SLC34A1: variants seen among roughly 807,000 people sequenced by gnomAD.
The protein encoded by SLC34A1 is sodium-dependent phosphate transport protein 2A.
SLC34A1 carries 57 observed loss-of-function variants against 51.4 expected under a neutral mutation model. The ratio of observed to expected loss-of-function variants is 1.11; its 90% confidence interval spans 0.90 to 1.38. SLC34A1 has a LOEUF of 1.38. Ranked by LOEUF, SLC34A1 falls within the 40% of genes most tolerant of loss-of-function variation. The probability of loss-of-function intolerance (pLI) is 0.00; values close to 1 mark genes in which losing one functional copy is unlikely to be tolerated. For missense variants in SLC34A1, 796 were observed against 835.6 expected (o/e 0.95, Z 0.58); for synonymous variants, 368 against 358.0 (o/e 1.03, Z -0.32).
Position 177,394,193 on chromosome 5 carries a change from C to G in SLC34A1, c.1172C>G (p.Thr391Arg). 1 of 1,613,922 alleles carries G rather than the reference C, an allele frequency of 6.2e-7. No homozygotes were observed. Among genetic ancestry groups the G allele is most frequent in the Non-Finnish European group, 8.5e-7 (1 of 1,180,018 alleles). ...AAGGTCATCCAGAAGGTCATCAATA[C>G]GGGTGAGCTGCGAGCAGTTGACTGG... ...VAKVIQKVIN[T>R]DFPAPFTWVT... is the part of the protein sequence containing the mutation. Residue 391 changes from threonine to arginine, a missense_variant and splice_region_variant, in exon 10 of 13, where the codon ACG becomes AGG. Physicochemically the swap from Thr to Arg is moderately conservative, Grantham distance 71 (BLOSUM62 -1). Transcript: ENST00000324417.
At chr5:177,387,161 T>C (rs546513437) in intron 5 of SLC34A1, among the ~76,000 whole-genome samples, 11 of 150,332 alleles carry the variant, frequency 7.3e-5, no homozygotes, top group Non-Finnish European at 1.6e-4. Context: ...ACGAGGTCAG[T>C]AGATCGAGAC....
In SLC34A1 at chr5:177,388,363, C is replaced by T. The variant is rs1762680417; in HGVS notation, c.927C>T (p.Asp309=). The T allele has an allele frequency of 6.2e-7, 1 of 1,613,808 alleles. No homozygotes were observed. The highest frequency in any genetic ancestry group is 8.5e-7 in the Non-Finnish European group (1 of 1,179,690). Residue 309 remains aspartate, a synonymous_variant, in exon 8 of 13, where the codon GAC becomes GAT. Coordinates refer to ENST00000324417, the MANE Select transcript of SLC34A1 (RefSeq NM_003052.5). The surrounding 1 kb of genome is among the most constrained non-coding windows in gnomAD (Gnocchi z 4.3). The part of the protein sequence containing the change: ...HSLIQIWCHP[D]SLQAPTSMSR... Reference sequence around the variant, plus strand: ...TCATCCAGATCTGGTGCCACCCAGACTCCTTACAGGTGAGTCCCAGGCCTA... The same window carrying T: ...TCATCCAGATCTGGTGCCACCCAGATTCCTTACAGGTGAGTCCCAGGCCTA...
chr5:177,398,072 T>C lies in SLC34A1; in HGVS notation c.1706T>C (p.Leu569Pro). The change falls in exon 13 of 13, where the codon CTG becomes CCG. Residue 569 changes from leucine to proline, a missense_variant. Transcript: ENST00000324417. The surrounding 1 kb of genome is among the most constrained non-coding windows in gnomAD (Gnocchi z 4.7). Reference protein sequence around the residue: ...NVLQSRSPGHLPKWLQTWDFL... With the variant: ...NVLQSRSPGHPPKWLQTWDFL... ...CTGCAGAGTCGGAGTCCCGGGCACC[T>C]GCCCAAGTGGTTACAGACATGGGAC... 6.2e-7 allele frequency: 1 copy of C among 1,613,796 alleles called. No individual in the cohort carries two copies. Among genetic ancestry groups the C allele is most frequent in the East Asian group, 2.2e-5 (1 of 44,880 alleles).
rs1306299895 is a variant in SLC34A1 at position 177,385,979 on chromosome 5, C to T, written c.110-8C>T. Reference sequence around the variant, plus strand: ...GCCCTGGGGCTCCTGACCAGGCTCCCTCCCTAGTCCTACACAGGATCCCGG... The same window carrying T: ...GCCCTGGGGCTCCTGACCAGGCTCCTTCCCTAGTCCTACACAGGATCCCGG... On this transcript the variant is annotated splice_polypyrimidine_tract_variant and splice_region_variant and intron_variant, in intron 2 of 12. Transcript: ENST00000324417. The T allele has an allele frequency of 4.3e-6, 7 of 1,610,802 alleles. No individual in the cohort carries two copies. The South Asian group carries it at 6.6e-5, about 15-fold the overall frequency.
In SLC34A1 at chr5:177,398,246, G is replaced by C. The variant is rs373459733; in HGVS notation, c.1880G>C (p.Arg627Pro). The C allele has an allele frequency of 6.3e-7, 1 of 1,599,568 alleles. No homozygotes were observed. The highest frequency in any genetic ancestry group is 8.5e-7 in the Non-Finnish European group (1 of 1,179,874). ...CTACCCCCTGCCACACCCTCCCCCC[G>C]TCTTGCACTGCCTGCTCACCACAAT... ...EELPPATPSPRLALPAHHNAT... is the reference protein window; with the variant it reads ...EELPPATPSPPLALPAHHNAT... The change falls in exon 13 of 13, where the codon CGT (arginine) becomes CCT (proline). Residue 627 changes from arginine to proline, a missense_variant. Coordinates refer to ENST00000324417, the MANE Select transcript of SLC34A1 (RefSeq NM_003052.5). The surrounding 1 kb of genome is among the most constrained non-coding windows in gnomAD (Gnocchi z 4.7).
intron 10 of SLC34A1, among the ~76,000 whole-genome samples, chr5:177,395,370 C>T (rs577980751): frequency 4.6e-5 from 7 of 152,134 alleles, no homozygotes; most frequent in African/African-American, 1.4e-4. Context: ...AGCCACGATG[C>T]GGATGAAGAG....
intron 12 of SLC34A1, chr5:177,397,308 T>C (rs1387987620): frequency 5.3e-6 from 3 of 569,486 alleles, no homozygotes; most frequent in Non-Finnish European, 9.3e-6. Flanking sequence ...GAGTCGGATT[T>C]GCACCATAAG....
At chr5:177,385,627 G>A (rs888097637) in intron 1 of SLC34A1, 68 bp from the exon 2 acceptor site, 17 of 760,792 alleles carry the variant, frequency 2.2e-5, no homozygotes, top group East Asian at 7.9e-5. Context: ...GGAATCATGC[G>A]CCATGGGGGT....
Position 177,398,118 on chromosome 5 carries a change from C to G in SLC34A1, c.1752C>G (p.His584Gln). ...QTWDFLPRWM[H>Q]SLKPLDHLIT... ...GGGACTTCCTGCCTCGCTGGATGCA[C>G]TCCCTGAAGCCCCTGGACCACCTCA... The change falls in exon 13 of 13, where the codon CAC (histidine) becomes CAG (glutamine). Residue 584 changes from histidine to glutamine, a missense_variant. Transcript: ENST00000324417. This position sits in a 1 kb window ranked among gnomAD's most constrained non-coding sequence, Gnocchi z 4.7. 6.2e-7 allele frequency: 1 copy of G among 1,611,480 alleles called. No homozygotes were observed.
Position 177,398,663 on chromosome 5 carries a change from T to C in SLC34A1, c.*377T>C. Reference sequence around the variant, plus strand: ...AAGGGTGGGTCTGGGTATATGACTGTGCAGCTGTTTGTGCATAGATGTTGG... The same window carrying C: ...AAGGGTGGGTCTGGGTATATGACTGCGCAGCTGTTTGTGCATAGATGTTGG... On this transcript the variant is annotated 3_prime_UTR_variant, in exon 13 of 13. Transcript: ENST00000324417. This position sits in a 1 kb window ranked among gnomAD's most constrained non-coding sequence, Gnocchi z 4.7. 6.2e-6 allele frequency: 2 copies of C among 322,346 alleles called. No homozygotes were observed. Among genetic ancestry groups the C allele is most frequent in the Non-Finnish European group, 1.2e-5 (2 of 167,458 alleles). The allele number at this position is 322,346 out of a possible 1,614,324, so 20.0% of individuals were successfully genotyped here.
At position 177,398,575 on chromosome 5, in the gene SLC34A1, A is replaced by G. The variant is rs150531903; in HGVS notation, c.*289A>G. On this transcript the variant is annotated 3_prime_UTR_variant, in exon 13 of 13. Coordinates refer to ENST00000324417, the MANE Select transcript of SLC34A1 (RefSeq NM_003052.5). The surrounding 1 kb of genome is among the most constrained non-coding windows in gnomAD (Gnocchi z 4.7). ...CTGTGGGAGGCTGTGTGCAGGCTGC[A>G]GGATATCTGGGTATGATTTCAGGTC... The G allele has an allele frequency of 2.6e-5, 14 of 545,238 alleles. No individual in the cohort carries two copies. Among genetic ancestry groups the G allele is most frequent in the African/African-American group, 1.1e-4 (6 of 52,900 alleles). The allele number at this position is 545,238 out of a possible 1,614,324, so 33.8% of individuals were successfully genotyped here.
Position 177,388,183 on chromosome 5 carries a change from C to G in SLC34A1, c.834C>G (p.Ile278Met). Reference sequence around the variant, plus strand: ...TCACAGAGCCCTTCACGAAGCTCATCATCCAGGTGACAGCAGGGCCTGGCA... The same window carrying G: ...TCACAGAGCCCTTCACGAAGCTCATGATCCAGGTGACAGCAGGGCCTGGCA... ...KIITEPFTKL[I>M]IQLDESVITS... Residue 278 changes from isoleucine to methionine, a missense_variant, in exon 7 of 13, where the codon ATC becomes ATG. Transcript: ENST00000324417. This position sits in a 1 kb window ranked among gnomAD's most constrained non-coding sequence, Gnocchi z 4.3. 1 of 1,614,174 alleles carries G rather than the reference C, an allele frequency of 6.2e-7. No individual in the cohort carries two copies. The highest frequency in any genetic ancestry group is 8.5e-7 in the Non-Finnish European group (1 of 1,180,036).
intron 8 of SLC34A1, chr5:177,390,434 G>C (rs1762762039): frequency 1.0e-6 from 1 of 957,334 alleles, no homozygotes; most frequent in Non-Finnish European, 1.2e-6. Context: ...CAGACGAGGA[G>C]CACTGAGCCC....
intron 10 of SLC34A1, among the ~76,000 whole-genome samples, chr5:177,394,503 G>A (rs896626907): frequency 2.0e-5 from 3 of 152,168 alleles, no homozygotes; most frequent in African/African-American, 7.2e-5. Context: ...ACAGAGGTGA[G>A]ACAAACAGAG....
At position 177,388,473 on chromosome 5, in the gene SLC34A1, G is replaced by T; in HGVS notation, c.936+101G>T. ...CCAGATAGACCTTGAAGATCATTTA[G>T]CCAGGAGAGGGCAAATATGTGGCCC... On this transcript the variant is annotated intron_variant, in intron 8 of 12. Coordinates refer to ENST00000324417, the MANE Select transcript of SLC34A1 (RefSeq NM_003052.5). This position sits in a 1 kb window ranked among gnomAD's most constrained non-coding sequence, Gnocchi z 4.3. 2.0e-6 allele frequency: 2 copies of T among 1,023,166 alleles called. 1 individual carries two copies. Among genetic ancestry groups the T allele is most frequent in the South Asian group, 2.7e-5 (2 of 75,342 alleles). 63.4% of individuals were successfully genotyped at this position (1,023,166 alleles called of 1,614,324 possible). A position where few individuals can be genotyped will look rare whatever the true frequency, so the allele number is the denominator to read the frequency against.
Position 177,396,406 on chromosome 5 carries a change from G to A in SLC34A1, c.1175-327G>A, listed in dbSNP as rs1160077569. The stretch of plus-strand genomic sequence containing the variant: ...GTGGGAGCAAACCCCCATGGAGGTC[G>A]TCTCTCCCAGTGCCCCCGCGGAGAT... On this transcript the variant is annotated intron_variant, in intron 10 of 12. Transcript: ENST00000324417. The surrounding 1 kb of genome is among the most constrained non-coding windows in gnomAD (Gnocchi z 4.0). Among the ~76,000 whole-genome samples the A allele has an allele frequency of 1.3e-5, 2 of 150,170 alleles. No homozygotes were observed. The highest frequency in any genetic ancestry group is 3.0e-5 in the Non-Finnish European group (2 of 67,414).
At position 177,393,705 on chromosome 5, in the gene SLC34A1, C is replaced by T. The variant is rs2127352906; in HGVS notation, c.948C>T (p.Ser316=). The part of the protein sequence containing the change: ...CHPDSLQAPT[S]MSRAEANSSQ... ...TCCTCCTGATCTAGGCTCCCACCTCCATGTCCAGAGCAGAGGCCAACTCCA... is the reference window on the plus strand; with the variant it reads ...TCCTCCTGATCTAGGCTCCCACCTCTATGTCCAGAGCAGAGGCCAACTCCA... The change falls in exon 9 of 13, where the codon TCC becomes TCT. Residue 316 remains serine (S), a synonymous_variant. Coordinates refer to ENST00000324417, the MANE Select transcript of SLC34A1 (RefSeq NM_003052.5). 6.2e-7 allele frequency: 1 copy of T among 1,614,238 alleles called. No individual in the cohort carries two copies. The highest frequency in any genetic ancestry group is 2.2e-5 in the East Asian group (1 of 44,896).
Position 177,398,369 on chromosome 5 carries a change from A to G in SLC34A1, c.*83A>G. On this transcript the variant is annotated 3_prime_UTR_variant, in exon 13 of 13. Transcript: ENST00000324417. The surrounding 1 kb of genome is among the most constrained non-coding windows in gnomAD (Gnocchi z 4.7). ...AGGGAGGGTGTGTGTAGGTATGTGC[A>G]TGTGCCTGTGCCACCCTGGGTGCCA... The G allele has an allele frequency of 6.6e-7, 1 of 1,522,388 alleles. No homozygotes were observed. Among genetic ancestry groups the G allele is most frequent in the Non-Finnish European group, 9.0e-7 (1 of 1,111,950 alleles). 94.3% of individuals were successfully genotyped at this position (1,522,388 alleles called of 1,614,324 possible).
At position 177,396,458 on chromosome 5, in the gene SLC34A1, TCCGCTCTC is replaced by T. The variant is rs1762961311; in HGVS notation, c.1175-272_1175-265del. Among the ~76,000 whole-genome samples the T allele has an allele frequency of 5.6e-5, 8 of 143,790 alleles. No individual in the cohort carries two copies. Among genetic ancestry groups the T allele is most frequent in the African/African-American group, 2.0e-4 (8 of 39,130 alleles). 94.3% of individuals were successfully genotyped at this position (143,790 alleles called of 152,430 possible). A position where few individuals can be genotyped will look rare whatever the true frequency, so the allele number is the denominator to read the frequency against. On this transcript the variant is annotated intron_variant, in intron 10 of 12. Transcript: ENST00000324417. The surrounding 1 kb of genome is among the most constrained non-coding windows in gnomAD (Gnocchi z 4.0). ...CGCTCTCCCAGTGCCCCCGCGGAGGTCCGCTCTCCCAGTGCCCCCGCGGAGGTCCTCTC... is the reference window on the plus strand; with the variant it reads ...CGCTCTCCCAGTGCCCCCGCGGAGGTCCAGTGCCCCCGCGGAGGTCCTCTC...
Sources: allele counts gnomAD v4.1 joint callset (sites outside exome capture counted in the v4.1 genomes callset), GRCh38; gene constraint gnomAD v4.1.1; non-coding constraint Gnocchi (gnomAD v3.1); transcripts MANE v1.5; gene names NCBI Gene and HGNC (gene_info 2026-07-23, HGNC 2026-07-21).